Variants in STXBP5L observed in about 807,000 individuals in gnomAD.
STXBP5L encodes the protein syntaxin-binding protein 5-like.
In STXBP5L, 65 loss-of-function variants were observed where a neutral mutation model predicts 144.5. The observed-to-expected ratio is 0.45, with a 90% CI of 0.37 to 0.55. The LOEUF (loss-of-function observed/expected upper bound fraction) is 0.55, where lower values mean the gene tolerates loss of function less well. Ranked by LOEUF, STXBP5L falls within the 20% of genes least tolerant of loss-of-function variation. The pLI, the probability that STXBP5L is intolerant of heterozygous loss-of-function variation, is 0.00. For missense variants in STXBP5L, 1,298 were observed against 1,405.5 expected (o/e 0.92, Z 1.22); for synonymous variants, 505 against 469.6 (o/e 1.08, Z -0.97).
chr3:120,953,903 A>T (rs1232622413), intron 2 of STXBP5L, among the ~76,000 whole-genome samples: 2 of 152,164 alleles, frequency 1.3e-5, no homozygotes, highest in Non-Finnish European at 2.9e-5. Flanking sequence ...CTTAGAAGGA[A>T]AACATTGATT....
At chr3:121,040,242 A>T (rs951100807) in intron 3 of STXBP5L, among the ~76,000 whole-genome samples, 7 of 152,032 alleles carry the variant, frequency 4.6e-5, no homozygotes, top group African/African-American at 1.4e-4. Context: ...TTTGTTTAGT[A>T]TGCAGTTAAG....
intron 22 of STXBP5L, among the ~76,000 whole-genome samples, chr3:121,387,440 T>C (rs975686535): frequency 1.3e-5 from 2 of 152,222 alleles, no homozygotes; most frequent in African/African-American, 4.8e-5. Flanking sequence ...TGGCTTTTGT[T>C]GCCATTGCTT....
intron 18 of STXBP5L, among the ~76,000 whole-genome samples, chr3:121,271,876 A>AC (rs1435266785): frequency 1.3e-5 from 2 of 152,204 alleles, no homozygotes; most frequent in Non-Finnish European, 2.9e-5. Context: ...CAGGAAACTT[A>AC]CAATCATGGT....
chr3:121,093,613 G>T lies in STXBP5L; in HGVS notation c.471-21312G>T, dbSNP rs572285470. Among the ~76,000 whole-genome samples, 7 of 152,226 alleles carry T rather than the reference G, an allele frequency of 4.6e-5. No individual in the cohort carries two copies. The East Asian group carries it at 5.8e-4, about 13-fold the overall frequency. On this transcript the variant is annotated intron_variant, in intron 5 of 26. Transcript: ENST00000471454. Reference sequence around the variant, plus strand: ...AGTTTATATTTCTGTGGGATCAGTGGTGATATCCCCTTTATCATTTTTTCT... The same window carrying T: ...AGTTTATATTTCTGTGGGATCAGTGTTGATATCCCCTTTATCATTTTTTCT...
At chr3:121,169,411 A>G (rs1360463176) in intron 9 of STXBP5L, among the ~76,000 whole-genome samples, 1 of 152,192 alleles carries the variant, frequency 6.6e-6, no homozygotes, top group Admixed American at 6.6e-5. Flanking sequence ...GATAAAGAAT[A>G]AAGACCTATC....
At chr3:121,168,851 A>G (rs928283198) in intron 9 of STXBP5L, among the ~76,000 whole-genome samples, 1 of 152,140 alleles carries the variant, frequency 6.6e-6, no homozygotes, top group African/African-American at 2.4e-5. Flanking sequence ...CACCACAAAG[A>G]TACTCCTCGA....
chr3:121,352,823 A>C (rs1380758888), intron 20 of STXBP5L, among the ~76,000 whole-genome samples: 1 of 152,124 alleles, frequency 6.6e-6, no homozygotes, highest in Non-Finnish European at 1.5e-5. Context: ...TGGGTTTGTC[A>C]TAAGTAGCTC....
At chr3:120,970,819 G>A (rs961073519) in intron 3 of STXBP5L, among the ~76,000 whole-genome samples, 4 of 152,024 alleles carry the variant, frequency 2.6e-5, no homozygotes, top group Non-Finnish European at 5.9e-5. Context: ...CATTCTAGGG[G>A]AACTTATATT....
chr3:121,202,823 T>G (rs1454326153), intron 9 of STXBP5L, among the ~76,000 whole-genome samples: 1 of 152,018 alleles, frequency 6.6e-6, no homozygotes, highest in Non-Finnish European at 1.5e-5. Flanking sequence ...GTTTTATTTT[T>G]TTTTCTTTTA....
chr3:121,305,978 T>C (rs766310224), intron 19 of STXBP5L, among the ~76,000 whole-genome samples: 10 of 152,110 alleles, frequency 6.6e-5, no homozygotes, highest in Non-Finnish European at 1.5e-4. Flanking sequence ...TCTATATAAA[T>C]AACAGCAAAC....
At chr3:121,100,922 T>G (rs183964883) in intron 5 of STXBP5L, among the ~76,000 whole-genome samples, 2 of 151,876 alleles carry the variant, frequency 1.3e-5, no homozygotes, top group Admixed American at 1.3e-4. Context: ...TTATAACTGA[T>G]CCCACAAAAA....
intron 5 of STXBP5L, among the ~76,000 whole-genome samples, chr3:121,092,436 T>C (rs941090970): frequency 4.6e-5 from 7 of 152,166 alleles, no homozygotes; most frequent in African/African-American, 9.7e-5. Flanking sequence ...TTGTATCCTC[T>C]TTAAGTTCAT....
intron 5 of STXBP5L, among the ~76,000 whole-genome samples, chr3:121,074,252 G>A (rs932410966): frequency 5.3e-5 from 8 of 152,188 alleles, no homozygotes; most frequent in African/African-American, 1.9e-4. Flanking sequence ...TTATGTCTAA[G>A]CATGTAAACC....
intron 20 of STXBP5L, among the ~76,000 whole-genome samples, chr3:121,352,918 T>C (rs2045352358): frequency 6.6e-6 from 1 of 152,200 alleles, no homozygotes; most frequent in Non-Finnish European, 1.5e-5. Flanking sequence ...TCAAAGGCCT[T>C]TTCTGCATCT....
chr3:121,178,559 C>T (rs955894150), intron 9 of STXBP5L, among the ~76,000 whole-genome samples: 1 of 151,998 alleles, frequency 6.6e-6, no homozygotes, highest in African/African-American at 2.4e-5. Flanking sequence ...TATAAAAACT[C>T]TTTTTAAAAC....
chr3:121,185,437 C>T (rs1423689602), intron 9 of STXBP5L, among the ~76,000 whole-genome samples: 1 of 152,170 alleles, frequency 6.6e-6, no homozygotes, highest in African/African-American at 2.4e-5. Context: ...TTAGGTCTGA[C>T]ATGTAAGTCT....
intron 19 of STXBP5L, among the ~76,000 whole-genome samples, chr3:121,296,530 A>G (rs563998329): frequency 6.6e-6 from 1 of 152,346 alleles, no homozygotes; most frequent in South Asian, 2.1e-4. Context: ...AATTAAAATT[A>G]TCCTTTTCTA....
At chr3:121,163,036 A>G (rs2046376748) in intron 9 of STXBP5L, among the ~76,000 whole-genome samples, 1 of 152,256 alleles carries the variant, frequency 6.6e-6, no homozygotes, top group Admixed American at 6.5e-5. Context: ...ATCTAGAACC[A>G]GAAATAGCAT....
intron 9 of STXBP5L, among the ~76,000 whole-genome samples, chr3:121,176,636 G>C (rs970546136): frequency 1.3e-5 from 2 of 151,372 alleles, no homozygotes; most frequent in African/African-American, 4.8e-5. Context: ...TAGGAAATAT[G>C]AAATAAAAAT....
Sources: gnomAD v4.1 joint callset for allele counts (sites outside exome capture counted in the v4.1 genomes callset) on GRCh38, gnomAD v4.1.1 for gene constraint, MANE v1.5 for transcripts, NCBI Gene and HGNC (gene_info 2026-07-23, HGNC 2026-07-21) for gene names.